Variants in NFIB observed in about 807,000 individuals in gnomAD.
NFIB encodes nuclear factor 1 B-type.
In NFIB, 11 loss-of-function variants were observed where a neutral mutation model predicts 61.5. The ratio of observed to expected loss-of-function variants is 0.18; its 90% CI spans 0.11 to 0.30. NFIB has a LOEUF of 0.30. Among genes scored for constraint, NFIB ranks in the 10% least tolerant of loss-of-function variants. The pLI is 1.00. For missense variants in NFIB, 471 were observed against 608.9 expected, an observed-to-expected ratio of 0.77 and a Z score of 2.38; for synonymous variants, 260 against 216.5, an observed-to-expected ratio of 1.20 and a Z score of -1.76.
intron 2 of NFIB, among the ~76,000 whole-genome samples, chr9:14,184,428 T>C (rs1352687265): frequency 1.3e-5 from 2 of 152,170 alleles, no homozygotes; most frequent in African/African-American, 4.8e-5. Flanking sequence ...ATATCTAAGT[T>C]GGAAGCAATT....
At chr9:14,512,918 T>G in the NFIB span, among the ~76,000 whole-genome samples, 1 of 141,546 alleles carries the variant, frequency 7.1e-6, no homozygotes, top group Non-Finnish European at 1.5e-5. Flanking sequence ...TAGAATCAAA[T>G]GTTCCAAAGC....
chr9:14,097,875 C>CTTTTCTT (rs765236774), intron 10 of NFIB, among the ~76,000 whole-genome samples: 7 of 110,840 alleles, frequency 6.3e-5, no homozygotes, highest in Non-Finnish European at 1.3e-4. Flanking sequence ...TTTCTTTTTT[C>CTTTTCTT]TTTTTTTTTT....
intron 2 of NFIB, among the ~76,000 whole-genome samples, chr9:14,255,621 A>T (rs1207133048): frequency 1.3e-5 from 2 of 152,236 alleles, no homozygotes; most frequent in African/African-American, 4.8e-5. Context: ...CTCTATAGGT[A>T]GTGACAGATT....
the NFIB span, among the ~76,000 whole-genome samples, chr9:14,475,941 C>G: frequency 6.6e-6 from 1 of 152,164 alleles, no homozygotes; most frequent in African/African-American, 2.4e-5. Context: ...CTCACACTAA[C>G]TCCCTGAGTT....
At chr9:14,281,033 T>A (rs911434188) in intron 2 of NFIB, among the ~76,000 whole-genome samples, 9 of 152,158 alleles carry the variant, frequency 5.9e-5, no homozygotes, top group Non-Finnish European at 1.3e-4. Flanking sequence ...CAAAATGGGA[T>A]ATTATATTTT....
intron 10 of NFIB, among the ~76,000 whole-genome samples, chr9:14,092,307 A>C (rs2118584351): frequency 6.6e-6 from 1 of 152,200 alleles, no homozygotes; most frequent in Non-Finnish European, 1.5e-5. Flanking sequence ...TCCAGACGAT[A>C]GCCATGCTGA....
chr9:14,369,531 A>G (rs1490439636), intron 1 of NFIB, among the ~76,000 whole-genome samples: 3 of 152,102 alleles, frequency 2.0e-5, no homozygotes, highest in Middle Eastern at 3.4e-3. Flanking sequence ...CTTCAGCTTT[A>G]ACATCTCCAA....
the NFIB span, among the ~76,000 whole-genome samples, chr9:14,525,714 G>T: frequency 6.6e-6 from 1 of 152,086 alleles, no homozygotes; most frequent in Non-Finnish European, 1.5e-5. Flanking sequence ...AATTTGAAAT[G>T]GAAAATCCTG....
At chr9:14,493,951 G>A in the NFIB span, among the ~76,000 whole-genome samples, 1 of 152,164 alleles carries the variant, frequency 6.6e-6, no homozygotes, top group African/African-American at 2.4e-5. Context: ...GTTCTTTTAA[G>A]TTAGATCAGG....
chr9:14,176,022 G>A (rs1204604934), intron 3 of NFIB, among the ~76,000 whole-genome samples: 1 of 152,156 alleles, frequency 6.6e-6, no homozygotes, highest in African/African-American at 2.4e-5. Context: ...ATAGTCCAAA[G>A]AATGTAGACA....
intron 1 of NFIB, among the ~76,000 whole-genome samples, chr9:14,312,114 G>C (rs1564000197): frequency 6.6e-6 from 1 of 152,146 alleles, no homozygotes; most frequent in East Asian, 1.9e-4. Flanking sequence ...ATCATACTCA[G>C]ATGCCAAACA....
At chr9:14,282,598 T>C (rs966961868) in intron 2 of NFIB, among the ~76,000 whole-genome samples, 3 of 152,248 alleles carry the variant, frequency 2.0e-5, no homozygotes, top group Admixed American at 2.0e-4. Context: ...CAGTCTCATC[T>C]ATTTGCGTAT....
chr9:14,372,732 A>G (rs2061372216), intron 1 of NFIB, among the ~76,000 whole-genome samples: 1 of 152,190 alleles, frequency 6.6e-6, no homozygotes, highest in Non-Finnish European at 1.5e-5. Context: ...GCTTAATTAT[A>G]AAATGGCATT....
chr9:14,134,411 G>A (rs887061244), intron 6 of NFIB, among the ~76,000 whole-genome samples: 2 of 152,060 alleles, frequency 1.3e-5, no homozygotes, highest in African/African-American at 2.4e-5. Context: ...GTATGCTAGG[G>A]ACTTGGGACA....
At chr9:14,427,944 T>TTTTTGTTGTTTG in the NFIB span, among the ~76,000 whole-genome samples, 2 of 83,182 alleles carry the variant, frequency 2.4e-5, no homozygotes, top group South Asian at 5.4e-4. Context: ...GTTGTTTTTT[T>TTTTTGTTGTTTG]TTTTTTTTTT....
the NFIB span, among the ~76,000 whole-genome samples, chr9:14,452,963 G>T: frequency 6.6e-6 from 1 of 152,200 alleles, no homozygotes; most frequent in Non-Finnish European, 1.5e-5. Flanking sequence ...CAAAGGGATT[G>T]AAAGTATTTG....
At position 14,086,803 on chromosome 9, in the gene NFIB, T is replaced by G. The variant is rs2118428451; in HGVS notation, c.*1506A>C. On this transcript the variant is annotated 3_prime_UTR_variant, in exon 11 of 11. Transcript: ENST00000380953. Reference sequence around the variant, plus strand: ...TTGTTTTTTTTTTTTTGTTTTTTGTTTTTTAGATTTCAAGGCAAGGCACGT... The same window carrying G: ...TTGTTTTTTTTTTTTTGTTTTTTGTGTTTTAGATTTCAAGGCAAGGCACGT... 1 of 206,410 alleles carries G rather than the reference T, an allele frequency of 4.8e-6. No individual in the cohort carries two copies. The highest frequency in any genetic ancestry group is 5.9e-5 in the Admixed American group (1 of 16,848). The allele number at this position is 206,410 out of a possible 1,614,324, so 12.8% of individuals were successfully genotyped here. A position where few individuals can be genotyped will look rare whatever the true frequency, so the allele number is the denominator to read the frequency against.
At chr9:14,386,888 A>G (rs2061555849) in intron 1 of NFIB, among the ~76,000 whole-genome samples, 1 of 152,346 alleles carries the variant, frequency 6.6e-6, no homozygotes, top group East Asian at 1.9e-4. Context: ...ACAGACAAAT[A>G]TGTTTAGAAA....
chr9:14,347,763 T>G (rs1266017164), intron 1 of NFIB, among the ~76,000 whole-genome samples: 1 of 151,962 alleles, frequency 6.6e-6, no homozygotes, highest in Non-Finnish European at 1.5e-5. Flanking sequence ...CCGCGGTTTT[T>G]TTTCCGTGCA....
Sources: gnomAD v4.1 joint callset for allele counts (sites outside exome capture counted in the v4.1 genomes callset) on GRCh38, gnomAD v4.1.1 for gene constraint, MANE v1.5 for transcripts, NCBI Gene and HGNC (gene_info 2026-07-23, HGNC 2026-07-21) for gene names.